FNBP1: variants seen among roughly 807,000 people sequenced by gnomAD.
FNBP1 encodes formin binding protein 1.
Under a neutral mutation model 90.6 loss-of-function variants are expected in FNBP1, and 26 were observed. The observed-to-expected ratio is 0.29, with a 90% CI of 0.21 to 0.40. FNBP1 has a LOEUF of 0.40. Ranked by LOEUF, FNBP1 falls within the 10% of genes least tolerant of loss-of-function variation. The probability of loss-of-function intolerance (pLI) is 1.00; values close to 1 mark genes in which losing one functional copy is unlikely to be tolerated. For synonymous variants in FNBP1, 260 were observed against 265.2 expected (o/e 0.98, Z 0.19); for missense variants, 635 against 768.0 (o/e 0.83, Z 2.05).
At chr9:130,011,849 A>G (rs1467769298) in intron 1 of FNBP1, among the ~76,000 whole-genome samples, 1 of 152,234 alleles carries the variant, frequency 6.6e-6, no homozygotes, top group South Asian at 2.1e-4. Context: ...CCCCTAGATT[A>G]TCTACAGATT....
At chr9:130,037,257 G>A (rs1367133996) in intron 1 of FNBP1, among the ~76,000 whole-genome samples, 1 of 151,880 alleles carries the variant, frequency 6.6e-6, no homozygotes, top group Non-Finnish European at 1.5e-5. Flanking sequence ...AGGAGGCTGA[G>A]GCATGAGAAT....
chr9:130,010,211 C>T (rs1433977365), intron 1 of FNBP1, among the ~76,000 whole-genome samples: 1 of 152,152 alleles, frequency 6.6e-6, no homozygotes, highest in Non-Finnish European at 1.5e-5. Context: ...GCAACAGACA[C>T]TTTTGTCTGA....
In FNBP1 at chr9:129,924,985, A is replaced by G; in HGVS notation, c.962T>C (p.Leu321Ser). The G allele has an allele frequency of 6.2e-7, 1 of 1,613,716 alleles. No individual in the cohort carries two copies. Among genetic ancestry groups the G allele is most frequent in the Non-Finnish European group, 8.5e-7 (1 of 1,179,748 alleles). The change falls in exon 9 of 17, where the codon TTA (leucine) becomes TCA (serine). Residue 321 changes from leucine to serine, a missense_variant. Physicochemically the swap from Leu to Ser is moderately radical, Grantham distance 145 (BLOSUM62 -2). Transcript: ENST00000446176. ...CTTATTTTTTTTGATGAACGGCCAT[A>G]ACTTTCCTTTGGATTTGCCACCAAA... Reference protein sequence around the residue: ...LKFGGKSKGKLWPFIKKNKLM... With the variant: ...LKFGGKSKGKSWPFIKKNKLM...
chr9:129,921,585 G>C (rs1006670189), intron 10 of FNBP1, among the ~76,000 whole-genome samples: 10 of 152,118 alleles, frequency 6.6e-5, no homozygotes, highest in South Asian at 4.2e-4. Context: ...GCTAATTTTT[G>C]TATTTTTAGT....
At chr9:130,047,993 AC>A (rs1304988882), upstream of FNBP1, among the ~76,000 whole-genome samples, 1 of 152,108 alleles carries the variant, frequency 6.6e-6, no homozygotes, top group Non-Finnish European at 1.5e-5. Flanking sequence ...CAAGTTACTT[AC>A]ATTATCTGAG....
At chr9:129,901,486 G>T (rs374539923) in intron 13 of FNBP1, among the ~76,000 whole-genome samples, 2 of 152,082 alleles carry the variant, frequency 1.3e-5, no homozygotes, top group Non-Finnish European at 2.9e-5. Flanking sequence ...ACAGTGAGTC[G>T]AGACTGCACC....
At chr9:129,945,907 C>T (rs2045199120) in intron 6 of FNBP1, among the ~76,000 whole-genome samples, 1 of 152,142 alleles carries the variant, frequency 6.6e-6, no homozygotes, top group African/African-American at 2.4e-5. Flanking sequence ...GTGGCTCACA[C>T]CTGTAATCCC....
intron 6 of FNBP1, among the ~76,000 whole-genome samples, chr9:129,946,789 A>G (rs2045358381): frequency 6.6e-6 from 1 of 152,262 alleles, no homozygotes; most frequent in African/African-American, 2.4e-5. Context: ...AAGAGCCAAC[A>G]GTCATAAGGC....
chr9:129,989,088 A>G (rs2131165607), intron 2 of FNBP1, among the ~76,000 whole-genome samples: 1 of 152,132 alleles, frequency 6.6e-6, no homozygotes, highest in East Asian at 1.9e-4. Context: ...ACATCCTTAC[A>G]TGTCTGGCTT....
chr9:129,912,504 C>T (rs972500292), intron 11 of FNBP1, among the ~76,000 whole-genome samples: 1 of 151,696 alleles, frequency 6.6e-6, no homozygotes, highest in Non-Finnish European at 1.5e-5. Flanking sequence ...GCCTGACCAA[C>T]ATGGAAAAAC....
intron 2 of FNBP1, among the ~76,000 whole-genome samples, chr9:129,983,933 T>C (rs917154202): frequency 6.6e-6 from 1 of 152,206 alleles, no homozygotes; most frequent in Non-Finnish European, 1.5e-5. Flanking sequence ...TGTTTTCAGG[T>C]AGAAAATCTC....
chr9:129,964,592 A>T (rs1195049499), intron 4 of FNBP1, among the ~76,000 whole-genome samples: 2 of 150,854 alleles, frequency 1.3e-5, no homozygotes, highest in Non-Finnish European at 1.5e-5. Flanking sequence ...GAGGTGGCTG[A>T]GATTAAAAAA....
chr9:129,921,254 AATTTACAT>A (rs2041035830), intron 10 of FNBP1, among the ~76,000 whole-genome samples: 1 of 152,002 alleles, frequency 6.6e-6, no homozygotes, highest in South Asian at 2.1e-4. Flanking sequence ...ATCAATTATG[AATTTACAT>A]TCTTTACTTT....
chr9:129,955,238 G>C (rs946397031), intron 6 of FNBP1, among the ~76,000 whole-genome samples: 5 of 150,756 alleles, frequency 3.3e-5, no homozygotes, highest in Non-Finnish European at 7.4e-5. Flanking sequence ...TAGAGGCTGA[G>C]TGCTTTTTTT....
chr9:129,915,003 C>G (rs2040042948), intron 11 of FNBP1: 2 of 359,828 alleles, frequency 5.6e-6, no homozygotes, highest in South Asian at 2.2e-5. Flanking sequence ...ATTAGTTTGA[C>G]TGTTGACTAG....
At chr9:129,994,169 C>A (rs2053635139) in intron 2 of FNBP1, among the ~76,000 whole-genome samples, 1 of 152,122 alleles carries the variant, frequency 6.6e-6, no homozygotes, top group South Asian at 2.1e-4. Flanking sequence ...TAGAAACAAC[C>A]AATCACCTAG....
intron 1 of FNBP1, among the ~76,000 whole-genome samples, chr9:130,007,997 C>CAA (rs36074642): frequency 0.011 from 1,040 of 94,966 alleles, 15 homozygotes; most frequent in South Asian, 0.034. Flanking sequence ...GACTCTGTCT[C>CAA]AAAAAAAAAA....
At position 129,890,279 on chromosome 9, in the gene FNBP1, G is replaced by A. The variant is rs3739861; in HGVS notation, c.*260C>T. ...GTCCCACCGTCTCAGTGGCCTGCGC[G>A]GGGTGGGGAGGGGGAGCGATGAGGA... is the stretch of plus-strand genomic sequence containing the variant. On this transcript the variant is annotated 3_prime_UTR_variant, in exon 17 of 17. Coordinates refer to ENST00000446176, the MANE Select transcript of FNBP1 (RefSeq NM_015033.3). The surrounding 1 kb of genome is among the most constrained non-coding windows in gnomAD (Gnocchi z 5.8). The A allele has an allele frequency of 0.016, 8,566 of 534,604 alleles. 104 individuals carry two copies. Among genetic ancestry groups the A allele is most frequent in the East Asian group, 0.025 (799 of 31,602 alleles). 33.1% of individuals were successfully genotyped at this position (534,604 alleles called of 1,614,324 possible). A position where few individuals can be genotyped will look rare whatever the true frequency, so the allele number is the denominator to read the frequency against.
chr9:129,932,717 C>T (rs536399367), intron 6 of FNBP1, among the ~76,000 whole-genome samples: 7 of 152,194 alleles, frequency 4.6e-5, no homozygotes, highest in African/African-American at 1.2e-4. Context: ...AACTCCCTTC[C>T]TGACCATATG....
Sources: allele counts gnomAD v4.1 joint callset (sites outside exome capture counted in the v4.1 genomes callset), GRCh38; gene constraint gnomAD v4.1.1; non-coding constraint Gnocchi (gnomAD v3.1); transcripts MANE v1.5; gene names NCBI Gene and HGNC (gene_info 2026-07-23, HGNC 2026-07-21).